The following SMARCA5 variants were observed in gnomAD, a reference collection of about 807,000 sequenced individuals.
SMARCA5 encodes SWI/SNF-related matrix-associated actin-dependent regulator of chromatin subfamily A member 5.
In SMARCA5, 18 loss-of-function variants were observed where a neutral mutation model predicts 140.4. The ratio of observed to expected loss-of-function variants is 0.13; its 90% CI spans 0.09 to 0.19. The LOEUF (loss-of-function observed/expected upper bound fraction) is 0.19, where lower values mean the gene tolerates loss of function less well. SMARCA5 is among the 10% of genes least tolerant of loss of function. The pLI is 1.00. For missense variants in SMARCA5, 606 were observed against 1,276.8 expected, an observed-to-expected ratio of 0.47 and a Z score of 8.01; for synonymous variants, 449 against 419.6, an observed-to-expected ratio of 1.07 and a Z score of -0.86.
At chr4:143,518,749 CT>C (rs1406050527) in intron 2 of SMARCA5, among the ~76,000 whole-genome samples, 1 of 151,866 alleles carries the variant, frequency 6.6e-6, no homozygotes, top group African/African-American at 2.4e-5. Context: ...TAACTGTCAC[CT>C]TTTTTGCTAT....
chr4:143,544,936 A>C, intron 17 of SMARCA5, 89 bp downstream of exon 17: 1 of 593,968 alleles, frequency 1.7e-6, no homozygotes, highest in Non-Finnish European at 2.9e-6. Flanking sequence ...TGATAATTAG[A>C]TTTTGTGTTT....
chr4:143,543,811 T>G lies in SMARCA5; in HGVS notation c.2053-42T>G, dbSNP rs200115255. The G allele has an allele frequency of 1.5e-3, 2,342 of 1,575,590 alleles. 2 individuals carry two copies. The highest frequency in any genetic ancestry group is 7.6e-3 in the Middle Eastern group (43 of 5,680). ...TATTTTGACTGCAGTTTTCATGCTT[T>G]CTTTGCTGTGAATCTAAGAAGCTGA... On this transcript the variant is annotated intron_variant, in intron 15 of 23. Coordinates refer to ENST00000283131, the MANE Select transcript of SMARCA5 (RefSeq NM_003601.4).
At chr4:143,528,437 G>A (rs2149819286) in intron 7 of SMARCA5, 146 bp from the exon 8 acceptor site, 1 of 611,266 alleles carries the variant, frequency 1.6e-6, no homozygotes, top group Non-Finnish European at 2.8e-6. Context: ...TTTTATGGCT[G>A]CGTACTATTC....
At chr4:143,516,952 T>G (rs1440341750) in intron 1 of SMARCA5, among the ~76,000 whole-genome samples, 3 of 152,240 alleles carry the variant, frequency 2.0e-5, no homozygotes, top group Non-Finnish European at 4.4e-5. Context: ...TTTGTAGACA[T>G]TTGTGTGGTA....
rs1156990909 is a variant in SMARCA5, at chr4:143,556,554, CAT to C, written c.*3372_*3373del. The C allele has an allele frequency of 1.3e-5, 2 of 152,230 alleles. No individual in the cohort carries two copies. Among genetic ancestry groups the C allele is most frequent in the African/African-American group, 4.8e-5 (2 of 41,528 alleles). 9.4% of individuals were successfully genotyped at this position (152,230 alleles called of 1,614,324 possible). ...ATGACACAAGGTGGATTGATGAACT[CAT>C]AAATCCAAATGAATGGAATGCTAGA... On this transcript the variant is annotated 3_prime_UTR_variant, in exon 24 of 24. Coordinates refer to ENST00000283131, the MANE Select transcript of SMARCA5 (RefSeq NM_003601.4).
At chr4:143,541,484 T>C (rs1437454379) in intron 14 of SMARCA5, among the ~76,000 whole-genome samples, 2 of 152,186 alleles carry the variant, frequency 1.3e-5, no homozygotes, top group African/African-American at 4.8e-5. Flanking sequence ...AATTATTGCT[T>C]ATTTTTACAA....
chr4:143,553,731 C>T lies in SMARCA5; in HGVS notation c.*547C>T, dbSNP rs905001425. On this transcript the variant is annotated 3_prime_UTR_variant, in exon 24 of 24. Transcript: ENST00000283131. ...AGACAAAGTATACTTAAATTCTATG[C>T]ATATTTCTGTTATGCTTTCTGTTTT... is the stretch of plus-strand genomic sequence containing the variant. 2.0e-5 allele frequency: 3 copies of T among 152,136 alleles called. No individual in the cohort carries two copies. Among genetic ancestry groups the T allele is most frequent in the Non-Finnish European group, 2.9e-5 (2 of 68,036 alleles). The allele number at this position is 152,136 out of a possible 1,614,324, so 9.4% of individuals were successfully genotyped here.
At chr4:143,525,860 TA>T (rs1737056780) in intron 5 of SMARCA5, among the ~76,000 whole-genome samples, 1 of 152,258 alleles carries the variant, frequency 6.6e-6, no homozygotes, top group Non-Finnish European at 1.5e-5. Context: ...TTATAATTGA[TA>T]AATGTTTTTT....
Position 143,521,546 on chromosome 4 carries a change from C to T in SMARCA5, c.370C>T (p.Arg124Cys). The T allele has an allele frequency of 6.2e-7, 1 of 1,612,878 alleles. No homozygotes were observed. Among genetic ancestry groups the T allele is most frequent in the Non-Finnish European group, 8.5e-7 (1 of 1,179,518 alleles). ...PTSPLKMKPG[R>C]PRIKKDEKQN... ...TTCACCTTTGAAGATGAAACCAGGG[C>T]GCCCACGAATAAAAAAAGATGAGAA... The change falls in exon 3 of 24, where the codon CGC becomes TGC. Residue 124 changes from arginine to cysteine, a missense_variant. Transcript: ENST00000283131.
In SMARCA5 at chr4:143,556,772, T is replaced by G. The variant is rs953129050; in HGVS notation, c.*3588T>G. 1 of 152,210 alleles carries G rather than the reference T, an allele frequency of 6.6e-6. No individual in the cohort carries two copies. The allele number at this position is 152,210 out of a possible 1,614,324, so 9.4% of individuals were successfully genotyped here. A position where few individuals can be genotyped will look rare whatever the true frequency, so the allele number is the denominator to read the frequency against. On this transcript the variant is annotated 3_prime_UTR_variant, in exon 24 of 24. Transcript: ENST00000283131. ...AGCAGTGCTGCAGAATTAACTTCGCTGTGTACATCCCAGAATCGTTTTGGA... is the reference window on the plus strand; with the variant it reads ...AGCAGTGCTGCAGAATTAACTTCGCGGTGTACATCCCAGAATCGTTTTGGA...
intron 23 of SMARCA5, among the ~76,000 whole-genome samples, chr4:143,552,363 C>T (rs145938088): frequency 3.0e-3 from 451 of 152,042 alleles, no homozygotes; most frequent in Non-Finnish European, 4.6e-3. Context: ...TCTTTGTTTC[C>T]GATTTAGATG....
intron 14 of SMARCA5, among the ~76,000 whole-genome samples, chr4:143,542,532 A>G (rs529533916): frequency 6.6e-6 from 1 of 152,302 alleles, no homozygotes; most frequent in South Asian, 2.1e-4. Flanking sequence ...AAAGTCATGG[A>G]TGTTTGGCTG....
intron 10 of SMARCA5, among the ~76,000 whole-genome samples, chr4:143,535,806 A>G (rs1323272258): frequency 6.6e-6 from 1 of 152,152 alleles, no homozygotes; most frequent in Non-Finnish European, 1.5e-5. Context: ...TGCTTAGACA[A>G]ATTACTCATT....
intron 5 of SMARCA5, 49 bp downstream of exon 5, chr4:143,525,600 T>C (rs749196648): frequency 4.1e-6 from 5 of 1,232,144 alleles, no homozygotes; most frequent in African/African-American, 1.5e-5. Flanking sequence ...ATTGAAAATA[T>C]CTTATACGTT....
At position 143,540,347 on chromosome 4, in the gene SMARCA5, A is replaced by G. The variant is rs1022038121; in HGVS notation, c.1771-16A>G. The G allele has an allele frequency of 3.2e-6, 5 of 1,568,218 alleles. No homozygotes were observed. The highest frequency in any genetic ancestry group is 1.4e-5 in the African/African-American group (1 of 72,728). ...ACTTTTAAACTAAATTCAAAATAAC[A>G]TGGTAATTTATTTAGGACCGAGCAC... On this transcript the variant is annotated splice_polypyrimidine_tract_variant and intron_variant, in intron 13 of 23. Coordinates refer to ENST00000283131, the MANE Select transcript of SMARCA5 (RefSeq NM_003601.4).
intron 1 of SMARCA5, among the ~76,000 whole-genome samples, chr4:143,516,300 A>G (rs773889652): frequency 6.0e-5 from 9 of 149,340 alleles, no homozygotes; most frequent in Non-Finnish European, 1.2e-4. Flanking sequence ...GCTTGATACT[A>G]ATAGGTCAAT....
intron 10 of SMARCA5, among the ~76,000 whole-genome samples, chr4:143,535,223 A>G (rs975331663): frequency 3.9e-5 from 6 of 152,218 alleles, no homozygotes; most frequent in African/African-American, 1.4e-4. Flanking sequence ...AACGGGGTTC[A>G]TATGAAACCA....
intron 14 of SMARCA5, among the ~76,000 whole-genome samples, chr4:143,542,419 C>A (rs1238467892): frequency 6.6e-6 from 1 of 152,174 alleles, no homozygotes; most frequent in Admixed American, 6.5e-5. Flanking sequence ...CCGGAACCTT[C>A]CTGCCCAACT....
At chr4:143,546,666 TTAA>T in intron 19 of SMARCA5, 107 bp from the exon 20 acceptor site, 1 of 991,330 alleles carries the variant, frequency 1.0e-6, no homozygotes, top group East Asian at 2.5e-5. Flanking sequence ...CTAAAAGAAC[TTAA>T]TAAACTAGTG....
Sources: allele counts gnomAD v4.1 joint callset (sites outside exome capture counted in the v4.1 genomes callset), GRCh38; gene constraint gnomAD v4.1.1; transcripts MANE v1.5; gene names NCBI Gene and HGNC (gene_info 2026-07-23, HGNC 2026-07-21).